Variants in FBXL17 observed in about 807,000 individuals in gnomAD.
FBXL17 encodes the protein F-box/LRR-repeat protein 17.
A neutral mutation model predicts 66.2 loss-of-function variants in FBXL17; 22 were observed. The ratio of observed to expected loss-of-function variants is 0.33; its 90% CI spans 0.24 to 0.47. The LOEUF is 0.47. FBXL17 is among the 20% of genes least tolerant of loss of function. FBXL17 has a pLI of 1.00. For missense variants in FBXL17, 878 were observed against 948.2 expected (o/e 0.93, Z 0.97); for synonymous variants, 474 against 400.5 (o/e 1.18, Z -2.19).
intron 6 of FBXL17, among the ~76,000 whole-genome samples, chr5:108,059,046 C>G (rs1747822124): frequency 6.6e-6 from 1 of 152,154 alleles, no homozygotes. Flanking sequence ...ATAGAAAAAG[C>G]TCTGAGCAGT....
At chr5:107,949,437 T>A (rs77273861) in intron 7 of FBXL17, among the ~76,000 whole-genome samples, 11,011 of 152,216 alleles carry the variant, frequency 0.072, 538 homozygotes, top group South Asian at 0.14. Flanking sequence ...ATAGACAAGA[T>A]ATTTCAAATA....
chr5:107,905,100 A>G (rs1749712155), intron 7 of FBXL17, among the ~76,000 whole-genome samples: 1 of 152,118 alleles, frequency 6.6e-6, no homozygotes, highest in South Asian at 2.1e-4. Context: ...ATAAAACTTA[A>G]TAATAAAAGA....
intron 4 of FBXL17, among the ~76,000 whole-genome samples, chr5:108,332,716 T>C (rs1411527515): frequency 6.6e-6 from 1 of 152,060 alleles, no homozygotes; most frequent in African/African-American, 2.4e-5. Context: ...CAAGCAATCT[T>C]CCTGCCTCAG....
At chr5:108,182,023 G>A (rs1351897551) in intron 6 of FBXL17, among the ~76,000 whole-genome samples, 1 of 152,142 alleles carries the variant, frequency 6.6e-6, no homozygotes, top group Non-Finnish European at 1.5e-5. Context: ...GAGAACACGT[G>A]TAAAGTGCCT....
intron 4 of FBXL17, among the ~76,000 whole-genome samples, chr5:108,320,410 C>T (rs1325335880): frequency 6.6e-6 from 1 of 151,670 alleles, no homozygotes; most frequent in African/African-American, 2.4e-5. Context: ...GTGATTGTAA[C>T]TTCTCAAGCA....
chr5:108,114,221 C>A lies in FBXL17; in HGVS notation c.1745+71896G>T, dbSNP rs375437317. Among the ~76,000 whole-genome samples the A allele has an allele frequency of 9.9e-5, 15 of 152,242 alleles. No homozygotes were observed. The South Asian group carries it at 3.1e-3, about 32-fold the overall frequency. On this transcript the variant is annotated intron_variant, in intron 6 of 8. Coordinates refer to ENST00000542267, the MANE Select transcript of FBXL17 (RefSeq NM_001163315.3). ...ATAACATGTACATATTTTACATAATCCAGTTCCCAGAACTTTACAATTGTT... is the reference window on the plus strand; with the variant it reads ...ATAACATGTACATATTTTACATAATACAGTTCCCAGAACTTTACAATTGTT...
rs143374905 is a variant in FBXL17, at chr5:108,184,250, G to A, written c.1745+1867C>T. 2.7e-3 allele frequency among the ~76,000 whole-genome samples: 417 copies of A among 152,128 alleles called. 5 individuals are homozygous for A. The highest frequency in any genetic ancestry group is 9.5e-3 in the African/African-American group (395 of 41,526). ...TGACACCAGCCTGGCCAACAGAAAC[G>A]CCATCTCTACTAAAAATACAAAACT... is the stretch of plus-strand genomic sequence containing the variant. On this transcript the variant is annotated intron_variant, in intron 6 of 8. Coordinates refer to ENST00000542267, the MANE Select transcript of FBXL17 (RefSeq NM_001163315.3).
intron 4 of FBXL17, among the ~76,000 whole-genome samples, chr5:108,280,040 A>T (rs1216468369): frequency 6.6e-6 from 1 of 152,160 alleles, no homozygotes; most frequent in East Asian, 1.9e-4. Context: ...CAAAAAGTTT[A>T]GAAAACCTAT....
At chr5:108,038,035 G>C (rs1437157175) in intron 6 of FBXL17, among the ~76,000 whole-genome samples, 1 of 152,080 alleles carries the variant, frequency 6.6e-6, no homozygotes. Flanking sequence ...GCTAAATACA[G>C]AATGAAAGAA....
chr5:108,122,505 T>C (rs141720847), intron 6 of FBXL17, among the ~76,000 whole-genome samples: 226 of 152,332 alleles, frequency 1.5e-3, no homozygotes, highest in Middle Eastern at 3.4e-3. Flanking sequence ...CCTTAAAATA[T>C]GGACTTATGT....
intron 7 of FBXL17, among the ~76,000 whole-genome samples, chr5:107,924,133 G>C (rs1750418236): frequency 6.8e-6 from 1 of 147,818 alleles, no homozygotes; most frequent in African/African-American, 2.5e-5. Context: ...GAACTCCTGG[G>C]CTCAGCCTTC....
chr5:108,031,810 A>T (rs933829434), intron 6 of FBXL17, among the ~76,000 whole-genome samples: 1 of 152,152 alleles, frequency 6.6e-6, no homozygotes, highest in Non-Finnish European at 1.5e-5. Context: ...TTGGTTATAG[A>T]TAATGGAAAT....
intron 3 of FBXL17, among the ~76,000 whole-genome samples, chr5:108,363,554 C>T (rs1283620650): frequency 1.3e-5 from 2 of 151,892 alleles, no homozygotes; most frequent in Non-Finnish European, 2.9e-5. Context: ...TCCAAAATAC[C>T]TCACATTCTA....
At chr5:108,357,713 A>G (rs1267638188) in intron 3 of FBXL17, among the ~76,000 whole-genome samples, 3 of 142,362 alleles carry the variant, frequency 2.1e-5, no homozygotes, top group Non-Finnish European at 4.8e-5. Context: ...TTAGAGATTT[A>G]AATAACACGT....
intron 7 of FBXL17, among the ~76,000 whole-genome samples, chr5:108,010,996 T>C (rs890535322): frequency 8.5e-5 from 13 of 152,198 alleles, no homozygotes; most frequent in Non-Finnish European, 5.9e-5. Context: ...GGAAAGACCT[T>C]CTGGAGAGGC....
chr5:108,315,604 A>C (rs1324224448), intron 4 of FBXL17, among the ~76,000 whole-genome samples: 1 of 151,284 alleles, frequency 6.6e-6, no homozygotes, highest in Non-Finnish European at 1.5e-5. Context: ...TCTTCCAAAA[A>C]AATGAACCTT....
chr5:108,067,067 GT>G (rs1307731678), intron 6 of FBXL17, among the ~76,000 whole-genome samples: 1 of 152,010 alleles, frequency 6.6e-6, no homozygotes, highest in Non-Finnish European at 1.5e-5. Flanking sequence ...ATCTACAGTA[GT>G]TTTAAATAAA....
intron 6 of FBXL17, among the ~76,000 whole-genome samples, chr5:108,170,687 C>A (rs559897707): frequency 1.3e-5 from 2 of 152,212 alleles, no homozygotes; most frequent in East Asian, 3.9e-4. Context: ...GTGTCTGCCA[C>A]CAGGCCCGGC....
chr5:108,007,752 A>G (rs1753992028), intron 7 of FBXL17, among the ~76,000 whole-genome samples: 1 of 152,164 alleles, frequency 6.6e-6, no homozygotes, highest in Non-Finnish European at 1.5e-5. Context: ...AATGAAGTCT[A>G]GGAACGAAGA....
Sources: gnomAD v4.1 joint callset for allele counts (sites outside exome capture counted in the v4.1 genomes callset) on GRCh38, gnomAD v4.1.1 for gene constraint, MANE v1.5 for transcripts, NCBI Gene and HGNC (gene_info 2026-07-23, HGNC 2026-07-21) for gene names.